SLC9C2: variants seen among roughly 807,000 people sequenced by gnomAD.
The protein encoded by SLC9C2 is sodium/hydrogen exchanger 11.
Under a neutral mutation model 140.2 loss-of-function variants are expected in SLC9C2, and 75 were observed. That is an observed-to-expected ratio of 0.53 (90% CI 0.44 to 0.65). The LOEUF is 0.65. SLC9C2 is among the 30% of genes least tolerant of loss of function. The pLI is 0.00. For synonymous variants in SLC9C2, 375 were observed against 420.9 expected (o/e 0.89, Z 1.34); for missense variants, 1,074 against 1,331.8 (o/e 0.81, Z 3.01).
chr1:173,557,626 AT>A, intron 9 of SLC9C2, 118 bp from the exon 10 acceptor site: 5 of 950,534 alleles, frequency 5.3e-6, no homozygotes, highest in Non-Finnish European at 6.3e-6. Flanking sequence ...GAAAAAAACA[AT>A]GCAATTTACT....
intron 9 of SLC9C2, among the ~76,000 whole-genome samples, chr1:173,563,533 A>G (rs1446116190): frequency 2.0e-5 from 3 of 152,134 alleles, no homozygotes; most frequent in African/African-American, 7.2e-5. Flanking sequence ...AAAACCTCAA[A>G]CAGTAAAAAA....
intron 6 of SLC9C2, 140 bp downstream of exon 6, chr1:173,583,366 T>G: frequency 3.8e-6 from 2 of 520,206 alleles, no homozygotes; most frequent in South Asian, 3.5e-5. Context: ...CAACTATGAT[T>G]TTTTTCTTGT....
chr1:173,506,750 G>C (rs1659667941), intron 25 of SLC9C2, 106 bp downstream of exon 25: 1 of 894,404 alleles, frequency 1.1e-6, no homozygotes, highest in African/African-American at 1.7e-5. Flanking sequence ...AAGAACTACA[G>C]GGTCATTCCA....
chr1:173,532,134 G>T (rs996142283), intron 17 of SLC9C2, among the ~76,000 whole-genome samples: 2 of 152,180 alleles, frequency 1.3e-5, no homozygotes, highest in Non-Finnish European at 2.9e-5. Flanking sequence ...AAATCTGTAA[G>T]CACAAACTGG....
chr1:173,597,832 A>G, intron 4 of SLC9C2, 72 bp downstream of exon 4: 1 of 1,385,144 alleles, frequency 7.2e-7, no homozygotes, highest in Non-Finnish European at 9.7e-7. Flanking sequence ...AATCATCTAT[A>G]TAGGCAGCCA....
At chr1:173,556,171 T>C (rs1447961673) in intron 10 of SLC9C2, among the ~76,000 whole-genome samples, 1 of 152,116 alleles carries the variant, frequency 6.6e-6, no homozygotes, top group Non-Finnish European at 1.5e-5. Flanking sequence ...TAGGAGGTAA[T>C]GAGAGGCTGA....
intron 9 of SLC9C2, among the ~76,000 whole-genome samples, chr1:173,568,497 A>G (rs1047427166): frequency 3.3e-5 from 5 of 152,284 alleles, no homozygotes; most frequent in African/African-American, 1.2e-4. Flanking sequence ...TTCATGGTGT[A>G]TATGTATTAC....
intron 8 of SLC9C2, among the ~76,000 whole-genome samples, chr1:173,575,645 C>T (rs1181806441): frequency 2.0e-5 from 3 of 152,048 alleles, no homozygotes; most frequent in African/African-American, 4.8e-5. Flanking sequence ...GGTGCGAACT[C>T]GGCTCACTGC....
Position 173,521,402 on chromosome 1 carries a change from G to T in SLC9C2, c.2641-3C>A. 6.9e-7 allele frequency: 1 copy of T among 1,453,202 alleles called. No individual in the cohort carries two copies. Among genetic ancestry groups the T allele is most frequent in the Non-Finnish European group, 9.1e-7 (1 of 1,103,650 alleles). The allele number at this position is 1,453,202 out of a possible 1,614,324, so 90.0% of individuals were successfully genotyped here. ...AAACAGGCAAGTTTGGCTCTTTCCT[G>T]AGTGGGAAAAAAAAAAACGAAAAGA... On this transcript the variant is annotated splice_polypyrimidine_tract_variant and splice_region_variant and intron_variant, in intron 21 of 27. Coordinates refer to ENST00000367714, the MANE Select transcript of SLC9C2 (RefSeq NM_178527.4).
intron 7 of SLC9C2, among the ~76,000 whole-genome samples, chr1:173,577,539 A>G (rs1012589266): frequency 3.3e-5 from 5 of 152,194 alleles, no homozygotes; most frequent in African/African-American, 1.2e-4. Flanking sequence ...GTCAGACAGA[A>G]AGGAAGACAA....
chr1:173,515,154 A>G (rs976843536), intron 23 of SLC9C2, among the ~76,000 whole-genome samples: 5 of 152,026 alleles, frequency 3.3e-5, no homozygotes, highest in African/African-American at 1.2e-4. Context: ...CTCATGGAGT[A>G]TCTTAGTGGT....
chr1:173,533,891 A>T, intron 16 of SLC9C2, 94 bp from the exon 17 acceptor site: 2 of 1,326,964 alleles, frequency 1.5e-6, no homozygotes, highest in Non-Finnish European at 2.0e-6. Context: ...TTAACTACAA[A>T]TGAGTTATAT....
At chr1:173,561,747 T>C (rs1443676684) in intron 9 of SLC9C2, among the ~76,000 whole-genome samples, 3 of 152,026 alleles carry the variant, frequency 2.0e-5, no homozygotes. Flanking sequence ...TGATGATCAC[T>C]GGTCCCTTCC....
At chr1:173,527,475 A>G (rs528696106) in intron 18 of SLC9C2, among the ~76,000 whole-genome samples, 3 of 152,364 alleles carry the variant, frequency 2.0e-5, no homozygotes, top group African/African-American at 7.2e-5. Context: ...TACGATATTG[A>G]TTAGTTCATA....
intron 8 of SLC9C2, among the ~76,000 whole-genome samples, chr1:173,573,725 T>C (rs6691482): frequency 0.55 from 83,318 of 152,070 alleles, 24,938 homozygotes; most frequent in East Asian, 0.96. Flanking sequence ...CAATAGCTAA[T>C]ACGATCATCT....
chr1:173,601,891 A>G (rs1666807202), intron 1 of SLC9C2, 36 bp from the exon 2 acceptor site: 2 of 1,288,486 alleles, frequency 1.6e-6, no homozygotes, highest in Non-Finnish European at 2.1e-6. Flanking sequence ...AGACCTACCA[A>G]GATCCAATTC....
intron 4 of SLC9C2, among the ~76,000 whole-genome samples, chr1:173,594,869 G>A (rs893232792): frequency 4.6e-5 from 7 of 152,188 alleles, no homozygotes; most frequent in Non-Finnish European, 8.8e-5. Context: ...AGCACTTACA[G>A]TGTCAATAAA....
intron 9 of SLC9C2, among the ~76,000 whole-genome samples, chr1:173,567,518 CCATCCCTTTATTGTCAGTCTATATGT>C (rs1273088979): frequency 2.0e-5 from 3 of 152,122 alleles, no homozygotes; most frequent in African/African-American, 7.2e-5. Context: ...ATGTCTTTTT[CCATCCCTTTATTGTCAGTCTATATGT>C]ATCTTTATAG....
Position 173,534,659 on chromosome 1 carries a change from A to G in SLC9C2, c.1799T>C (p.Ile600Thr), listed in dbSNP as rs371010149. 32 of 1,531,448 alleles carry G rather than the reference A, an allele frequency of 2.1e-5. No homozygotes were observed. The African/African-American group carries it at 3.5e-4, about 17-fold the overall frequency. The allele number at this position is 1,531,448 out of a possible 1,614,324, so 94.9% of individuals were successfully genotyped here. Residue 600 changes from isoleucine (I) to threonine (T), a missense_variant, in exon 16 of 28, where the codon ATA (isoleucine) becomes ACA (threonine). Physicochemically the swap from Ile to Thr is moderately conservative, Grantham distance 89. Transcript: ENST00000367714. ...PPESNTFLTF[I>T]FHIVFSEEFE... ...TTCTTCAGAAAATACTATGTGAAAT[A>G]TAAAAGTCAGAAATGTATTACTCCT... is the stretch of plus-strand genomic sequence containing the variant.
Sources: allele counts gnomAD v4.1 joint callset (sites outside exome capture counted in the v4.1 genomes callset), GRCh38; gene constraint gnomAD v4.1.1; transcripts MANE v1.5; gene names NCBI Gene and HGNC (gene_info 2026-07-23, HGNC 2026-07-21).